SLC41A2: variants seen among roughly 807,000 people sequenced by gnomAD.
SLC41A2 encodes solute carrier family 41 member 2, also known as SLC41A1-like 1.
In SLC41A2, 32 loss-of-function variants were observed where a neutral mutation model predicts 58.3. That is an observed-to-expected ratio of 0.55 (90% CI 0.41 to 0.74). The LOEUF (loss-of-function observed/expected upper bound fraction) is 0.74. Ranked by LOEUF, SLC41A2 falls within the 30% of genes least tolerant of loss-of-function variation. The probability of loss-of-function intolerance (pLI) is 0.00; values close to 1 mark genes in which losing one functional copy is unlikely to be tolerated. For synonymous variants in SLC41A2, 190 were observed against 235.0 expected (o/e 0.81, Z 1.75); for missense variants, 514 against 680.6 (o/e 0.76, Z 2.72).
rs576091141 is a variant in SLC41A2 at position 104,957,486 on chromosome 12, A to G, written c.-168+602T>C. 3.5e-4 allele frequency among the ~76,000 whole-genome samples: 54 copies of G among 152,336 alleles called. No individual in the cohort carries two copies. The East Asian group carries it at 9.1e-3, about 26-fold the overall frequency. ...GTGAATATATTAAAAGCCACACTTT[A>G]GAAGAATGAGTTTTATGGCATGTGA... On this transcript the variant is annotated intron_variant, in intron 1 of 10. Transcript: ENST00000258538.
In SLC41A2 at chr12:104,939,251, G is replaced by A. The variant is rs116978826; in HGVS notation, c.-167-10557C>T. ...CTTGTTCTGTCACTCAGGCTAGAGTGCAGTGTTGCAATCATAGCTCACCAA... is the reference window on the plus strand; with the variant it reads ...CTTGTTCTGTCACTCAGGCTAGAGTACAGTGTTGCAATCATAGCTCACCAA... On this transcript the variant is annotated intron_variant, in intron 1 of 10. Coordinates refer to ENST00000258538, the MANE Select transcript of SLC41A2 (RefSeq NM_001352171.3). Among the ~76,000 whole-genome samples, 1,431 of 152,344 alleles carry A rather than the reference G, an allele frequency of 9.4e-3. 8 individuals carry two copies. Among genetic ancestry groups the A allele is most frequent in the South Asian group, 0.023 (111 of 4,826 alleles).
chr12:104,897,806 G>A (rs1056171075), intron 3 of SLC41A2, among the ~76,000 whole-genome samples: 1 of 152,118 alleles, frequency 6.6e-6, no homozygotes, highest in Non-Finnish European at 1.5e-5. Flanking sequence ...ATAGAGGTAT[G>A]GCAGGACACA....
chr12:104,922,959 A>C (rs1169702386), intron 2 of SLC41A2, among the ~76,000 whole-genome samples: 2 of 152,142 alleles, frequency 1.3e-5, no homozygotes, highest in African/African-American at 4.8e-5. Context: ...AGGAAATTTA[A>C]AATTTAAAAT....
At position 104,928,333 on chromosome 12, in the gene SLC41A2, C is replaced by G. The variant is rs1163586503; in HGVS notation, c.195G>C (p.Trp65Cys). The change falls in exon 2 of 11, where the codon TGG becomes TGC. Residue 65 changes from tryptophan to cysteine, a missense_variant. Physicochemically the swap from Trp to Cys is radical, Grantham distance 215. Around this residue, in one of 3 missense-constraint regions of SLC41A2, gnomAD observed 336 missense variants for 430.0 expected, o/e 0.78. Transcript: ENST00000258538. ...EDRHKKANGIWQDGLSTAVQT... is the reference protein window; with the variant it reads ...EDRHKKANGICQDGLSTAVQT... ...GTACTGCAGTTGATAATCCATCTTG[C>G]CAAATGCCGTTTGCTTTTTTGTGCC... 3.1e-6 allele frequency: 5 copies of G among 1,612,588 alleles called. No individual in the cohort carries two copies. The highest frequency in any genetic ancestry group is 4.2e-6 in the Non-Finnish European group (5 of 1,179,348).
Position 104,890,849 on chromosome 12 carries a change from G to A in SLC41A2, c.736-1672C>T, listed in dbSNP as rs187457760. 2.0e-3 allele frequency among the ~76,000 whole-genome samples: 302 copies of A among 152,258 alleles called. 2 individuals carry two copies. The highest frequency in any genetic ancestry group is 6.5e-3 in the African/African-American group (272 of 41,552). ...AATCGTGAAGAAATCTGTGACAGGCGATCTGCCTGGGGCTCCATTTAACAG... is the reference window on the plus strand; with the variant it reads ...AATCGTGAAGAAATCTGTGACAGGCAATCTGCCTGGGGCTCCATTTAACAG... On this transcript the variant is annotated intron_variant, in intron 4 of 10. Coordinates refer to ENST00000258538, the MANE Select transcript of SLC41A2 (RefSeq NM_001352171.3).
chr12:104,864,099 A>G (rs2043321870), intron 7 of SLC41A2, among the ~76,000 whole-genome samples: 1 of 152,102 alleles, frequency 6.6e-6, no homozygotes, highest in African/African-American at 2.4e-5. Flanking sequence ...TCTATGTACT[A>G]TAACAAAAGC....
chr12:104,821,368 C>T (rs531872281), intron 10 of SLC41A2, among the ~76,000 whole-genome samples: 15 of 152,124 alleles, frequency 9.9e-5, no homozygotes, highest in Admixed American at 2.6e-4. Context: ...TCTTATAATA[C>T]GTTCCAGGAG....
intron 1 of SLC41A2, among the ~76,000 whole-genome samples, chr12:104,934,189 AAG>A (rs1491498009): frequency 6.7e-6 from 1 of 149,672 alleles, no homozygotes; most frequent in East Asian, 2.1e-4. Flanking sequence ...ATGGAAAAAA[AAG>A]TAAATTAAAA....
At chr12:104,949,597 T>G (rs1460477580) in intron 1 of SLC41A2, among the ~76,000 whole-genome samples, 1 of 151,610 alleles carries the variant, frequency 6.6e-6, no homozygotes, top group Non-Finnish European at 1.5e-5. Context: ...ACTTTTTCTT[T>G]TTTTAGACGG....
chr12:104,860,265 G>A (rs957938034), intron 8 of SLC41A2, among the ~76,000 whole-genome samples: 2 of 151,812 alleles, frequency 1.3e-5, no homozygotes, highest in Non-Finnish European at 2.9e-5. Flanking sequence ...AGAGCATTAG[G>A]ACAAATAACT....
intron 6 of SLC41A2, among the ~76,000 whole-genome samples, chr12:104,873,443 G>A (rs897392245): frequency 6.6e-6 from 1 of 152,096 alleles, no homozygotes; most frequent in Non-Finnish European, 1.5e-5. Flanking sequence ...GAACATTTAG[G>A]TTGTTTCCAT....
intron 2 of SLC41A2, among the ~76,000 whole-genome samples, chr12:104,918,642 A>AAAAAAAAAAC (rs2046443182): frequency 6.6e-6 from 1 of 151,346 alleles, no homozygotes. Context: ...AAAAAAAAAA[A>AAAAAAAAAAC]AAAAACTAAA....
intron 2 of SLC41A2, among the ~76,000 whole-genome samples, chr12:104,914,923 CCA>C (rs1261825173): frequency 6.6e-6 from 1 of 152,168 alleles, no homozygotes; most frequent in Non-Finnish European, 1.5e-5. Context: ...CAGAAAATGT[CCA>C]GAGAGGGAAT....
At chr12:104,918,232 G>A (rs557371705) in intron 2 of SLC41A2, among the ~76,000 whole-genome samples, 4 of 151,946 alleles carry the variant, frequency 2.6e-5, no homozygotes, top group African/African-American at 9.7e-5. Flanking sequence ...GTGGAATCTG[G>A]TAATACCTAT....
At chr12:104,951,155 A>T (rs1034768558) in intron 1 of SLC41A2, among the ~76,000 whole-genome samples, 3 of 152,216 alleles carry the variant, frequency 2.0e-5, no homozygotes, top group Non-Finnish European at 4.4e-5. Context: ...ATTTCCCTAT[A>T]GCAGGACATT....
At chr12:104,878,931 A>C (rs1038814720) in intron 6 of SLC41A2, among the ~76,000 whole-genome samples, 4 of 152,206 alleles carry the variant, frequency 2.6e-5, no homozygotes, top group African/African-American at 9.6e-5. Context: ...TCCCACCAAC[A>C]GTGTAAAAGT....
rs148834533 is a variant in SLC41A2, at chr12:104,882,412, A to G, written c.1027+3881T>C. Among the ~76,000 whole-genome samples, 744 of 152,194 alleles carry G rather than the reference A, an allele frequency of 4.9e-3. 8 individuals carry two copies. Among genetic ancestry groups the G allele is most frequent in the African/African-American group, 0.017 (715 of 41,530 alleles). On this transcript the variant is annotated intron_variant, in intron 6 of 10. Coordinates refer to ENST00000258538, the MANE Select transcript of SLC41A2 (RefSeq NM_001352171.3). The stretch of plus-strand genomic sequence containing the variant: ...TTAATTGATGCAGTTTCTTCATAGC[A>G]TCGATGGTATTTACAATTTGGCATG...
intron 4 of SLC41A2, among the ~76,000 whole-genome samples, chr12:104,890,127 G>C (rs574769929): frequency 1.3e-5 from 2 of 152,226 alleles, no homozygotes; most frequent in South Asian, 4.1e-4. Flanking sequence ...AGAATTTCTT[G>C]ATGTTCATGG....
intron 10 of SLC41A2, among the ~76,000 whole-genome samples, chr12:104,818,081 T>C (rs1486662537): frequency 6.6e-6 from 1 of 152,204 alleles, no homozygotes; most frequent in African/African-American, 2.4e-5. Context: ...AAACAGCATG[T>C]TGTATACTAT....
Sources: gnomAD v4.1 joint callset for allele counts (sites outside exome capture counted in the v4.1 genomes callset) on GRCh38, gnomAD v4.1.1 for gene constraint, gnomAD v4.1.1 regional missense constraint, MANE v1.5 for transcripts, NCBI Gene and HGNC (gene_info 2026-07-23, HGNC 2026-07-21) for gene names.